NCF2: variants seen among roughly 807,000 people sequenced by gnomAD.
NCF2 encodes the protein neutrophil cytosol factor 2.
A neutral mutation model predicts 70.9 loss-of-function variants in NCF2; 45 were observed. That is an observed-to-expected ratio of 0.63 (90% CI 0.50 to 0.81). The LOEUF (loss-of-function observed/expected upper bound fraction) is 0.81. NCF2 is among the 40% of genes least tolerant of loss of function. NCF2 has a pLI of 0.00. For synonymous variants in NCF2, 203 were observed against 233.6 expected (o/e 0.87, Z 1.19); for missense variants, 522 against 631.6 (o/e 0.83, Z 1.86).
chr1:183,564,044 G>C lies in NCF2; in HGVS notation c.1001-14C>G. 1 of 1,608,508 alleles carries C rather than the reference G, an allele frequency of 6.2e-7. No individual in the cohort carries two copies. Among genetic ancestry groups the C allele is most frequent in the Non-Finnish European group, 8.5e-7 (1 of 1,174,846 alleles). ...TTTGTTTCTGGCCTGAATGGAAAAA[G>C]TAGGGAGTAAAACAAAAGAAGATGG... On this transcript the variant is annotated splice_polypyrimidine_tract_variant and intron_variant, in intron 10 of 14. Coordinates refer to ENST00000367535, the MANE Select transcript of NCF2 (RefSeq NM_000433.4).
intron 10 of NCF2, among the ~76,000 whole-genome samples, chr1:183,564,876 G>A (rs1452134129): frequency 1.3e-5 from 2 of 152,186 alleles, no homozygotes; most frequent in African/African-American, 2.4e-5. Context: ...AGGAGACTGC[G>A]TTTTTGCAGC....
the NCF2 span, among the ~76,000 whole-genome samples, chr1:183,599,433 T>TCTTTCTTTTCTTTC: frequency 1.1e-5 from 1 of 92,400 alleles, no homozygotes; most frequent in African/African-American, 3.7e-5. Context: ...CTTCTTTCTT[T>TCTTTCTTTTCTTTC]CTTTCTTTCT....
rs758117639 is a variant in NCF2 at position 183,569,183 on chromosome 1, T to A, written c.672A>T (p.Ala224=). The change falls in exon 7 of 15, where the codon GCA becomes GCT. Residue 224 remains alanine, a splice_region_variant and synonymous_variant. Coordinates refer to ENST00000367535, the MANE Select transcript of NCF2 (RefSeq NM_000433.4). ...TTTTCGGTCTGGGTGGAGGCTCAGCTGCCTATTGAACATTCAGGAGAAGTG... is the reference window on the plus strand; with the variant it reads ...TTTTCGGTCTGGGTGGAGGCTCAGCAGCCTATTGAACATTCAGGAGAAGTG... The part of the protein sequence containing the change: ...FSGFAPLQPQ[A]AEPPPRPKTP... 1 of 1,614,132 alleles carries A rather than the reference T, an allele frequency of 6.2e-7. No individual in the cohort carries two copies. Among genetic ancestry groups the A allele is most frequent in the Non-Finnish European group, 8.5e-7 (1 of 1,179,972 alleles).
rs1241096222 is a variant in NCF2 at position 183,590,097 on chromosome 1, G to A, written c.174+59C>T. The A allele has an allele frequency of 1.1e-5, 18 of 1,609,866 alleles. No homozygotes were observed. The Admixed American group carries it at 2.8e-4, about 25-fold the overall frequency. On this transcript the variant is annotated intron_variant, in intron 1 of 14. Transcript: ENST00000367535. ...GGTTAGGTTTCCGAAATGCAATGGGGTTGAGAATCATAATAACAAATGCAC... is the reference window on the plus strand; with the variant it reads ...GGTTAGGTTTCCGAAATGCAATGGGATTGAGAATCATAATAACAAATGCAC...
chr1:183,564,227 GAACAAACTC>G (rs1381702199), intron 10 of NCF2, among the ~76,000 whole-genome samples, 197 bp from the exon 11 acceptor site: 1 of 152,128 alleles, frequency 6.6e-6, no homozygotes, highest in African/African-American at 2.4e-5. Flanking sequence ...ATGAACACAT[GAACAAACTC>G]AGTCTCTGCT....
At chr1:183,587,038 G>A in intron 1 of NCF2, 61 bp from the exon 2 acceptor site, 2 of 1,488,570 alleles carry the variant, frequency 1.3e-6, no homozygotes, top group Non-Finnish European at 1.9e-6. Context: ...TGTGAGATGA[G>A]CCACGGCTCA....
Position 183,590,425 on chromosome 1 carries a change from C to A in NCF2, c.-96G>T. On this transcript the variant is annotated 5_prime_UTR_variant, in exon 1 of 15. Transcript: ENST00000367535. ...CTAGCAGGGCTGCCTTAGTGGCCCC[C>A]AAGGTGTTCACTTTCTGGGCCAGAT... The A allele has an allele frequency of 7.3e-7, 1 of 1,371,380 alleles. No homozygotes were observed. The highest frequency in any genetic ancestry group is 1.0e-6 in the Non-Finnish European group (1 of 971,534). 85.0% of individuals were successfully genotyped at this position (1,371,380 alleles called of 1,614,324 possible). A position where few individuals can be genotyped will look rare whatever the true frequency, so the allele number is the denominator to read the frequency against.
chr1:183,568,997 T>G, intron 7 of NCF2, 145 bp downstream of exon 7: 1 of 795,554 alleles, frequency 1.3e-6, no homozygotes, highest in Non-Finnish European at 2.2e-6. Flanking sequence ...CTTTCTAGCC[T>G]GACATTCTAG....
chr1:183,586,265 C>T (rs933812720), intron 2 of NCF2, among the ~76,000 whole-genome samples: 10 of 152,142 alleles, frequency 6.6e-5, no homozygotes, highest in South Asian at 4.1e-4. Flanking sequence ...GCCTGGGAGG[C>T]GGAGGCTGCG....
intron 1 of NCF2, among the ~76,000 whole-genome samples, chr1:183,587,922 A>C (rs751325944): frequency 1.7e-4 from 26 of 152,282 alleles, no homozygotes; most frequent in Non-Finnish European, 3.7e-4. Flanking sequence ...TTCCTTTTTC[A>C]TTAGTGTAGC....
chr1:183,593,289 T>G (rs1156739185), upstream of NCF2, among the ~76,000 whole-genome samples: 1 of 152,180 alleles, frequency 6.6e-6, no homozygotes, highest in Admixed American at 6.5e-5. Context: ...AACTCCCAGG[T>G]GAACATGATA....
At chr1:183,571,439 A>G (rs150121162) in intron 5 of NCF2, among the ~76,000 whole-genome samples, 44 of 152,324 alleles carry the variant, frequency 2.9e-4, no homozygotes, top group Non-Finnish European at 4.6e-4. Context: ...TTTAAAGTGA[A>G]TGATTCAGTG....
At chr1:183,599,462 C>CTTTCTTTCTTTCTTTCTT in the NCF2 span, among the ~76,000 whole-genome samples, 2 of 137,522 alleles carry the variant, frequency 1.5e-5, no homozygotes, top group African/African-American at 5.7e-5. Flanking sequence ...TTCTTTCTTT[C>CTTTCTTTCTTTCTTTCTT]TTTCTTTCTT....
At chr1:183,590,744 G>A, upstream of NCF2, 1 of 254,762 alleles carries the variant, frequency 3.9e-6, no homozygotes, top group East Asian at 1.0e-4. Flanking sequence ...CTAGAGCCAG[G>A]GTAACCTTGG....
At chr1:183,570,692 C>T in intron 6 of NCF2, 88 bp downstream of exon 6, 1 of 1,390,958 alleles carries the variant, frequency 7.2e-7, no homozygotes, top group Non-Finnish European at 1.0e-6. Context: ...TACAATCAGG[C>T]AACTCAGCAC....
chr1:183,599,423 C>CTTCTTTCTTTCTTTCTTTCTTTCTTTCCT, the NCF2 span, among the ~76,000 whole-genome samples: 5 of 107,508 alleles, frequency 4.7e-5, no homozygotes, highest in African/African-American at 1.9e-4. Context: ...TCTTTCTTTC[C>CTTCTTTCTTTCTTTCTTTCTTTCTTTCCT]TTCTTTCTTT....
At chr1:183,569,227 A>AG (rs1195005357) in intron 6 of NCF2, 42 bp from the exon 7 acceptor site, 5 of 1,572,044 alleles carry the variant, frequency 3.2e-6, no homozygotes, top group South Asian at 1.1e-5. Flanking sequence ...AAAGGCAATG[A>AG]GGGAAAGCAG....
At chr1:183,566,823 G>T in intron 9 of NCF2, 97 bp downstream of exon 9, 3 of 1,458,636 alleles carry the variant, frequency 2.1e-6, no homozygotes, top group African/African-American at 2.8e-5. Flanking sequence ...TTTCTCCAGG[G>T]GTCCTGACAA....
At chr1:183,572,303 G>T (rs1035608314) in intron 5 of NCF2, among the ~76,000 whole-genome samples, 4 of 152,232 alleles carry the variant, frequency 2.6e-5, no homozygotes, top group Admixed American at 6.5e-5. Context: ...TCCTGCCTCA[G>T]CCTCCCAGGT....
Sources: gnomAD v4.1 joint callset for allele counts (sites outside exome capture counted in the v4.1 genomes callset) on GRCh38, gnomAD v4.1.1 for gene constraint, MANE v1.5 for transcripts, NCBI Gene and HGNC (gene_info 2026-07-23, HGNC 2026-07-21) for gene names.